The following LRP1B variants were observed in gnomAD, a reference collection of about 807,000 sequenced individuals.
LRP1B encodes low-density lipoprotein receptor-related protein 1B.
Under a neutral mutation model 556.6 loss-of-function variants are expected in LRP1B, and 217 were observed. That is an observed-to-expected ratio of 0.39 (90% CI 0.35 to 0.44). The LOEUF (loss-of-function observed/expected upper bound fraction) is 0.44. LRP1B is among the 20% of genes least tolerant of loss of function. The probability of loss-of-function intolerance (pLI) is 1.00; values close to 1 mark genes in which losing one functional copy is unlikely to be tolerated. For missense variants in LRP1B, 5,053 were observed against 5,620.8 expected (o/e 0.90, Z 3.23); for synonymous variants, 2,047 against 1,865.8 (o/e 1.10, Z -2.50).
intron 2 of LRP1B, among the ~76,000 whole-genome samples, chr2:141,677,132 G>C (rs1690914330): frequency 2.0e-5 from 3 of 152,120 alleles, no homozygotes; most frequent in Non-Finnish European, 4.4e-5. Flanking sequence ...TCTTAAAGAA[G>C]TAACATTTCA....
At chr2:141,793,910 C>T (rs999863939) in intron 2 of LRP1B, among the ~76,000 whole-genome samples, 3 of 151,666 alleles carry the variant, frequency 2.0e-5, no homozygotes, top group Non-Finnish European at 4.4e-5. Context: ...GGAATATTAT[C>T]GAAACTGAAC....
intron 5 of LRP1B, among the ~76,000 whole-genome samples, chr2:141,232,580 C>T (rs1683512875): frequency 6.6e-6 from 1 of 152,158 alleles, no homozygotes; most frequent in Non-Finnish European, 1.5e-5. Flanking sequence ...ACAGGCAATG[C>T]TTATTTGACA....
chr2:140,710,325 C>T (rs1477198620), intron 37 of LRP1B, among the ~76,000 whole-genome samples: 2 of 151,932 alleles, frequency 1.3e-5, no homozygotes, highest in Non-Finnish European at 2.9e-5. Context: ...GTTTCAACCT[C>T]TTTTGTGACA....
intron 6 of LRP1B, among the ~76,000 whole-genome samples, chr2:141,205,438 A>G (rs1322517647): frequency 3.9e-5 from 6 of 152,284 alleles, no homozygotes; most frequent in South Asian, 2.1e-4. Flanking sequence ...GGCTCTCCAC[A>G]TGGAATGGGG....
chr2:140,923,213 T>C, intron 20 of LRP1B, 66 bp from the exon 21 acceptor site: 2 of 1,254,724 alleles, frequency 1.6e-6, no homozygotes, highest in Non-Finnish European at 2.2e-6. Context: ...ATGATTTTAC[T>C]TGTTGGTAGT....
intron 1 of LRP1B, among the ~76,000 whole-genome samples, chr2:141,990,181 A>G (rs906008891): frequency 2.0e-5 from 3 of 152,108 alleles, no homozygotes; most frequent in African/African-American, 7.2e-5. Context: ...ACTGACGTGA[A>G]ACAAATTTGC....
In LRP1B at chr2:141,419,873, A is replaced by T. The variant is rs146196589; in HGVS notation, c.343+60523T>A. Among the ~76,000 whole-genome samples the T allele has an allele frequency of 1.1e-3, 165 of 152,234 alleles. 4 individuals are homozygous for T. In the East Asian group the frequency reaches 0.029, roughly 27 times the overall value. On this transcript the variant is annotated intron_variant, in intron 3 of 90. Coordinates refer to ENST00000389484, the MANE Select transcript of LRP1B (RefSeq NM_018557.3). ...TATTTCATTTCATTTCATTCAGAAA[A>T]CATGCTTGTTATAATTTCAACCTTC...
chr2:141,198,605 G>T (rs141565639), intron 6 of LRP1B, among the ~76,000 whole-genome samples: 1 of 152,098 alleles, frequency 6.6e-6, no homozygotes, highest in African/African-American at 2.4e-5. Flanking sequence ...GTTTGGGGGA[G>T]GAGGCACAGG....
At chr2:140,889,038 G>T (rs900232688) in intron 23 of LRP1B, among the ~76,000 whole-genome samples, 2 of 150,166 alleles carry the variant, frequency 1.3e-5, no homozygotes, top group African/African-American at 4.9e-5. Flanking sequence ...TATACCTTCC[G>T]ATCTAATGTG....
intron 20 of LRP1B, among the ~76,000 whole-genome samples, chr2:140,945,480 C>T (rs1053858713): frequency 3.3e-5 from 5 of 151,912 alleles, no homozygotes; most frequent in African/African-American, 1.2e-4. Flanking sequence ...TACAGTAGCC[C>T]AAACAGCATG....
At chr2:141,847,372 C>G (rs1304836137) in intron 1 of LRP1B, among the ~76,000 whole-genome samples, 1 of 151,444 alleles carries the variant, frequency 6.6e-6, no homozygotes, top group African/African-American at 2.4e-5. Context: ...AAATTCTCAT[C>G]AAATCAATTT....
At chr2:140,764,626 AAT>A (rs577696757) in intron 35 of LRP1B, among the ~76,000 whole-genome samples, 148 of 152,266 alleles carry the variant, frequency 9.7e-4, no homozygotes, top group African/African-American at 3.3e-3. Flanking sequence ...GTGTTTTTAA[AAT>A]ATGTTTTAAT....
intron 1 of LRP1B, among the ~76,000 whole-genome samples, chr2:142,030,195 C>CT (rs1000528022): frequency 5.9e-5 from 9 of 151,830 alleles, no homozygotes; most frequent in African/African-American, 1.9e-4. Flanking sequence ...AATGCAGCTC[C>CT]TTAAGGTATT....
chr2:141,035,678 GATAAT>G (rs1180547384), intron 11 of LRP1B, among the ~76,000 whole-genome samples: 1 of 151,894 alleles, frequency 6.6e-6, no homozygotes, highest in East Asian at 1.9e-4. Flanking sequence ...GATTTTTTCT[GATAAT>G]ATAACACATA....
chr2:140,896,291 A>C (rs924682406), intron 23 of LRP1B, among the ~76,000 whole-genome samples: 1 of 152,072 alleles, frequency 6.6e-6, no homozygotes, highest in Non-Finnish European at 1.5e-5. Context: ...AAAAATTATA[A>C]AAGTAGCATT....
At chr2:140,299,591 G>C (rs1162215938) in intron 83 of LRP1B, among the ~76,000 whole-genome samples, 1 of 152,020 alleles carries the variant, frequency 6.6e-6, no homozygotes, top group Non-Finnish European at 1.5e-5. Context: ...CAATTTTCTA[G>C]TTGTTGTTGA....
chr2:141,434,597 T>G (rs537260330), intron 3 of LRP1B, among the ~76,000 whole-genome samples: 1 of 152,178 alleles, frequency 6.6e-6, no homozygotes. Flanking sequence ...GGTCTGTCAA[T>G]GGCAGTTTTT....
At chr2:140,902,797 A>G (rs1370379765) in intron 23 of LRP1B, 123 bp downstream of exon 23, 3 of 987,932 alleles carry the variant, frequency 3.0e-6, no homozygotes, top group Non-Finnish European at 3.0e-6. Flanking sequence ...ATAACACATT[A>G]TAGTTAAATG....
chr2:141,304,969 C>T (rs920537688), intron 3 of LRP1B, among the ~76,000 whole-genome samples: 4 of 152,106 alleles, frequency 2.6e-5, no homozygotes, highest in Admixed American at 6.5e-5. Flanking sequence ...TATGTGTTTT[C>T]GTACCAATAT....
Sources: gnomAD v4.1 joint callset for allele counts (sites outside exome capture counted in the v4.1 genomes callset) on GRCh38, gnomAD v4.1.1 for gene constraint, MANE v1.5 for transcripts, NCBI Gene and HGNC (gene_info 2026-07-23, HGNC 2026-07-21) for gene names.